Variants in AIG1 observed in about 807,000 individuals in gnomAD.
The protein encoded by AIG1 is androgen induced 1, also known as androgen-induced gene 1 protein.
Under a neutral mutation model 31.4 loss-of-function variants are expected in AIG1, and 23 were observed. That is an observed-to-expected ratio of 0.73 (90% CI 0.53 to 1.04). The LOEUF (loss-of-function observed/expected upper bound fraction) is 1.04. Among genes scored for constraint, AIG1 ranks in the 50% least tolerant of loss-of-function variants. The pLI is 0.00. For missense variants in AIG1, 274 were observed against 295.0 expected (o/e 0.93, Z 0.52); for synonymous variants, 100 against 110.5 (o/e 0.90, Z 0.60).
chr6:143,189,221 AT>A (rs1292423885), intron 3 of AIG1: 2 of 432,874 alleles, frequency 4.6e-6, no homozygotes, highest in Non-Finnish European at 6.1e-6. Context: ...TTTTTTAAAA[AT>A]TTTTTTGTAG....
intron 3 of AIG1, among the ~76,000 whole-genome samples, chr6:143,257,188 C>T (rs558974546): frequency 2.0e-5 from 3 of 152,350 alleles, no homozygotes; most frequent in South Asian, 4.1e-4. Context: ...TGCCCGATGG[C>T]TTTCATGGAG....
At chr6:143,300,919 A>T (rs1271415962) in intron 4 of AIG1, among the ~76,000 whole-genome samples, 1 of 152,136 alleles carries the variant, frequency 6.6e-6, no homozygotes, top group Non-Finnish European at 1.5e-5. Context: ...CCAGCTTCTT[A>T]GTTCACTTTT....
chr6:143,326,583 T>G lies in AIG1; in HGVS notation c.516-6699T>G, dbSNP rs1210968224. On this transcript the variant is annotated intron_variant, in intron 4 of 5. Coordinates refer to ENST00000357847, the MANE Select transcript of AIG1 (RefSeq NM_016108.4). This position sits in a 1 kb window ranked among gnomAD's most constrained non-coding sequence, Gnocchi z 4.5. ...ATTATTTAAATAAAGATATTCAAAT[T>G]TAAGTATGAATAAAAGAGCTTTAAA... 1.3e-5 allele frequency among the ~76,000 whole-genome samples: 2 copies of G among 152,118 alleles called. No homozygotes were observed. Among genetic ancestry groups the G allele is most frequent in the African/African-American group, 4.8e-5 (2 of 41,422 alleles).
At chr6:143,224,359 A>AG (rs1426454027) in intron 3 of AIG1, among the ~76,000 whole-genome samples, 3 of 152,200 alleles carry the variant, frequency 2.0e-5, no homozygotes, top group Non-Finnish European at 4.4e-5. Flanking sequence ...AACCAGGAAT[A>AG]GTAGGAGGTT....
chr6:143,199,508 C>T lies in AIG1; in HGVS notation c.399+34325C>T, dbSNP rs28446521. Among the ~76,000 whole-genome samples, 476 of 152,228 alleles carry T rather than the reference C, an allele frequency of 3.1e-3. 10 individuals carry two copies. In the East Asian group the frequency reaches 0.064, roughly 20 times the overall value. On this transcript the variant is annotated intron_variant, in intron 3 of 5. Coordinates refer to ENST00000357847, the MANE Select transcript of AIG1 (RefSeq NM_016108.4). Reference sequence around the variant, plus strand: ...TCCATAATAAAAAGTTAAATAAATACTTGTTCCAAGAAACAAAAATAATTT... The same window carrying T: ...TCCATAATAAAAAGTTAAATAAATATTTGTTCCAAGAAACAAAAATAATTT...
At chr6:143,195,815 A>G (rs1790178731) in intron 3 of AIG1, among the ~76,000 whole-genome samples, 1 of 150,984 alleles carries the variant, frequency 6.6e-6, no homozygotes, top group Non-Finnish European at 1.5e-5. Flanking sequence ...GGTGCTCCCG[A>G]GTGCCAAAGT....
At chr6:143,238,351 C>A (rs553568945) in intron 3 of AIG1, among the ~76,000 whole-genome samples, 2 of 152,316 alleles carry the variant, frequency 1.3e-5, no homozygotes, top group African/African-American at 4.8e-5. Flanking sequence ...ATTATTTTCT[C>A]ATAACAACAA....
chr6:143,073,841 C>T (rs970474220), intron 1 of AIG1, among the ~76,000 whole-genome samples: 1 of 152,230 alleles, frequency 6.6e-6, no homozygotes, highest in African/African-American at 2.4e-5. Flanking sequence ...CGAGAGGTCA[C>T]TCACTATCAC....
At chr6:143,335,329 G>A (rs1777393506) in intron 5 of AIG1, 1 of 312,304 alleles carries the variant, frequency 3.2e-6, no homozygotes, top group South Asian at 1.3e-4. Flanking sequence ...GTCAAGAGAT[G>A]GAGACCATCC....
intron 1 of AIG1, among the ~76,000 whole-genome samples, chr6:143,127,280 A>G (rs1348351012): frequency 6.6e-6 from 1 of 152,020 alleles, no homozygotes; most frequent in Non-Finnish European, 1.5e-5. Context: ...TGTTCTCTCC[A>G]CAGTTTTCCT....
At chr6:143,274,688 G>C (rs1389835040) in intron 3 of AIG1, among the ~76,000 whole-genome samples, 1 of 150,378 alleles carries the variant, frequency 6.6e-6, no homozygotes, top group Non-Finnish European at 1.5e-5. Context: ...ATGAATGAAT[G>C]AATGAACAAA....
rs924635210 is a variant in AIG1, at chr6:143,334,666, A to G, written c.679+1221A>G. ...AATAGTGATCTTTCTCCATTAATTT[A>G]CAGAAGTATTTAGTTACTTGACAAA... On this transcript the variant is annotated intron_variant, in intron 5 of 5. Coordinates refer to ENST00000357847, the MANE Select transcript of AIG1 (RefSeq NM_016108.4). The surrounding 1 kb of genome is among the most constrained non-coding windows in gnomAD (Gnocchi z 5.1). Among the ~76,000 whole-genome samples the G allele has an allele frequency of 2.0e-5, 3 of 152,240 alleles. No homozygotes were observed. Among genetic ancestry groups the G allele is most frequent in the Non-Finnish European group, 4.4e-5 (3 of 68,032 alleles).
chr6:143,143,554 T>TATATATATATATAC (rs762393675), intron 2 of AIG1, among the ~76,000 whole-genome samples: 30 of 103,950 alleles, frequency 2.9e-4, no homozygotes, highest in East Asian at 2.1e-3. Flanking sequence ...TATATATATA[T>TATATATATATATAC]ACACACACAC....
In AIG1 at chr6:143,279,291, T is replaced by C. The variant is rs1797175489; in HGVS notation, c.400-4819T>C. On this transcript the variant is annotated intron_variant, in intron 3 of 5. Transcript: ENST00000357847. This position sits in a 1 kb window ranked among gnomAD's most constrained non-coding sequence, Gnocchi z 5.4. The stretch of plus-strand genomic sequence containing the variant: ...GTGTTATAGCAAAACTCATTAGCTC[T>C]TCAGGAGAAGCACTAATTTAATCCA... 6.6e-6 allele frequency among the ~76,000 whole-genome samples: 1 copy of C among 152,222 alleles called. No individual in the cohort carries two copies. Among genetic ancestry groups the C allele is most frequent in the Non-Finnish European group, 1.5e-5 (1 of 68,038 alleles).
chr6:143,157,651 C>T (rs1019891691), intron 2 of AIG1, among the ~76,000 whole-genome samples: 3 of 152,076 alleles, frequency 2.0e-5, no homozygotes, highest in Non-Finnish European at 4.4e-5. Flanking sequence ...TTTGCTGCCT[C>T]TAATGTGACT....
intron 1 of AIG1, among the ~76,000 whole-genome samples, chr6:143,113,046 G>A (rs1353424747): frequency 6.6e-6 from 1 of 152,000 alleles, no homozygotes; most frequent in Non-Finnish European, 1.5e-5. Context: ...TTGCTGACTG[G>A]GCATGGTGGC....
At chr6:143,133,732 T>C (rs112671719) in intron 1 of AIG1, among the ~76,000 whole-genome samples, 2,268 of 152,226 alleles carry the variant, frequency 0.015, 21 homozygotes, top group Non-Finnish European at 0.023. Context: ...TACTATATCA[T>C]GGAGTTTTTA....
At chr6:143,081,864 C>T (rs963012166) in intron 1 of AIG1, among the ~76,000 whole-genome samples, 1 of 152,184 alleles carries the variant, frequency 6.6e-6, no homozygotes, top group African/African-American at 2.4e-5. Flanking sequence ...TTACCCCATA[C>T]TAGGGGTCCT....
In AIG1 at chr6:143,297,150, G is replaced by C. The variant is rs978448861; in HGVS notation, c.515+12925G>C. On this transcript the variant is annotated intron_variant, in intron 4 of 5. Transcript: ENST00000357847. The surrounding 1 kb of genome is among the most constrained non-coding windows in gnomAD (Gnocchi z 5.1). ...ACCCAGACTTAGAGAGTTCTGAAAGGCTTCCCGGAGGAAATGACATGTAAG... is the reference window on the plus strand; with the variant it reads ...ACCCAGACTTAGAGAGTTCTGAAAGCCTTCCCGGAGGAAATGACATGTAAG... 1.3e-5 allele frequency among the ~76,000 whole-genome samples: 2 copies of C among 152,184 alleles called. No individual in the cohort carries two copies. The highest frequency in any genetic ancestry group is 4.8e-5 in the African/African-American group (2 of 41,446).
Sources: gnomAD v4.1 joint callset for allele counts (sites outside exome capture counted in the v4.1 genomes callset) on GRCh38, gnomAD v4.1.1 for gene constraint, Gnocchi (gnomAD v3.1) non-coding constraint, MANE v1.5 for transcripts, NCBI Gene and HGNC (gene_info 2026-07-23, HGNC 2026-07-21) for gene names.